SEMA6D: variants seen among roughly 807,000 people sequenced by gnomAD.
The protein encoded by SEMA6D is semaphorin-6D.
In SEMA6D, 35 loss-of-function variants were observed where a neutral mutation model predicts 106.6. That is an observed-to-expected ratio of 0.33 (90% CI 0.25 to 0.44). The LOEUF (loss-of-function observed/expected upper bound fraction) is 0.44. Ranked by LOEUF, SEMA6D falls within the 20% of genes least tolerant of loss-of-function variation. The probability of loss-of-function intolerance (pLI) is 1.00; values close to 1 mark genes in which losing one functional copy is unlikely to be tolerated. For missense variants in SEMA6D, 1,185 were observed against 1,345.9 expected (o/e 0.88, Z 1.87); for synonymous variants, 499 against 487.7 (o/e 1.02, Z -0.31).
intron 1 of SEMA6D, among the ~76,000 whole-genome samples, chr15:47,374,022 T>G (rs1160144581): frequency 6.6e-6 from 1 of 152,170 alleles, no homozygotes; most frequent in Non-Finnish European, 1.5e-5. Context: ...GATGTCCAGA[T>G]TAGCTGGCAG....
At chr15:47,666,549 G>C (rs933890545) in intron 4 of SEMA6D, among the ~76,000 whole-genome samples, 1 of 152,160 alleles carries the variant, frequency 6.6e-6, no homozygotes, top group Admixed American at 6.5e-5. Flanking sequence ...TCTGAAACCA[G>C]AGCTGTGTAG....
chr15:47,428,454 G>T (rs190492544), intron 2 of SEMA6D, among the ~76,000 whole-genome samples: 1 of 34,088 alleles, frequency 2.9e-5, no homozygotes, highest in Non-Finnish European at 6.9e-5. Context: ...GTATTTAGGC[G>T]CAGATCTACC....
chr15:47,365,955 AAAAG>A lies in SEMA6D; in HGVS notation c.-238-46422_-238-46419del, dbSNP rs1363325901. Among the ~76,000 whole-genome samples, 25 of 152,004 alleles carry A rather than the reference AAAAG, an allele frequency of 1.6e-4. 1 individual carries two copies. In the South Asian group the frequency reaches 1.7e-3, roughly 10 times the overall value. ...AAGAAAGAGAAAGAAAGAAAGATAGAAAAGAAAGAAAGAAAGAAACAGAACCTAC... is the reference window on the plus strand; with the variant it reads ...AAGAAAGAGAAAGAAAGAAAGATAGAAAAGAAAGAAAGAAACAGAACCTAC... On this transcript the variant is annotated intron_variant, in intron 1 of 19. Transcript: ENST00000558014.
intron 3 of SEMA6D, chr15:47,581,226 C>G: frequency 2.5e-6 from 1 of 394,008 alleles, no homozygotes; most frequent in Non-Finnish European, 4.9e-6. Context: ...TAACGTGTCC[C>G]TGATGAAGTT....
chr15:47,708,988 A>T (rs1369067734), intron 4 of SEMA6D, among the ~76,000 whole-genome samples: 1 of 152,112 alleles, frequency 6.6e-6, no homozygotes, highest in Non-Finnish European at 1.5e-5. Context: ...CACCAGATCT[A>T]CTCTTAATCC....
At chr15:47,663,289 A>G (rs1464065848) in intron 4 of SEMA6D, among the ~76,000 whole-genome samples, 1 of 152,192 alleles carries the variant, frequency 6.6e-6, no homozygotes. Flanking sequence ...AAGTGTGTTC[A>G]GTAATGGAAA....
chr15:47,721,973 A>G (rs1174196365), intron 1 of SEMA6D, among the ~76,000 whole-genome samples: 1 of 152,108 alleles, frequency 6.6e-6, no homozygotes, highest in Non-Finnish European at 1.5e-5. Context: ...AGCTGGCTAC[A>G]GCAATTTTTT....
intron 1 of SEMA6D, among the ~76,000 whole-genome samples, chr15:47,367,183 A>G (rs534472949): frequency 6.6e-6 from 1 of 152,314 alleles, no homozygotes; most frequent in African/African-American, 2.4e-5. Context: ...TAATTGCACA[A>G]TAACTGTTGG....
chr15:47,648,994 A>C (rs1456654668), intron 4 of SEMA6D, among the ~76,000 whole-genome samples: 1 of 152,234 alleles, frequency 6.6e-6, no homozygotes, highest in Non-Finnish European at 1.5e-5. Context: ...ATTTGTATTT[A>C]TATGTGAATA....
rs572195515 is a variant in SEMA6D, at chr15:47,690,109, G to A, written c.-54-69636G>A. Among the ~76,000 whole-genome samples, 10 of 152,254 alleles carry A rather than the reference G, an allele frequency of 6.6e-5. 1 individual carries two copies. The South Asian group carries it at 1.2e-3, about 19-fold the overall frequency. The stretch of plus-strand genomic sequence containing the variant: ...GGCTGCTCCAGCAATTACACCTTGC[G>A]CTGCCCATCTGCAGACATGGTGTTT... On this transcript the variant is annotated intron_variant, in intron 4 of 19. Transcript: ENST00000558014.
At chr15:47,421,113 A>G (rs997612468) in intron 2 of SEMA6D, among the ~76,000 whole-genome samples, 2 of 152,184 alleles carry the variant, frequency 1.3e-5, no homozygotes, top group Non-Finnish European at 2.9e-5. Flanking sequence ...TTTTCTTAAC[A>G]GTTAAAATTA....
At chr15:47,581,375 A>G (rs2076251937) in intron 3 of SEMA6D, 3 of 494,050 alleles carry the variant, frequency 6.1e-6, no homozygotes, top group East Asian at 6.9e-5. Flanking sequence ...AAACTGCCAA[A>G]TAAACAAGAT....
At position 47,770,916 on chromosome 15, in the gene SEMA6D, C is replaced by T. The variant is rs376932121; in HGVS notation, c.2353C>T (p.Leu785=). The change falls in exon 19 of 19, where the codon CTG becomes TTG. Residue 785 remains leucine (L), a synonymous_variant. Coordinates refer to ENST00000536845, the MANE Select transcript of SEMA6D (RefSeq NM_001358351.3). ...ESTPVLHQKT[L]QAMKSHSEKA... is the part of the protein sequence containing the mutation. ...TACACCCGTGCTTCACCAGAAGACC[C>T]TGCAGGCCATGAAGAGCCACTCAGA... 1.9e-5 allele frequency: 30 copies of T among 1,613,982 alleles called. No individual in the cohort carries two copies. The African/African-American group carries it at 3.6e-4, about 19-fold the overall frequency.
intron 1 of SEMA6D, among the ~76,000 whole-genome samples, chr15:47,741,057 T>A (rs2147029867): frequency 6.6e-6 from 1 of 152,336 alleles, no homozygotes; most frequent in Middle Eastern, 3.4e-3. Flanking sequence ...GCTTATGTCT[T>A]AAAATAACAA....
intron 1 of SEMA6D, among the ~76,000 whole-genome samples, chr15:47,202,282 C>T (rs1006371682): frequency 6.6e-6 from 1 of 151,968 alleles, no homozygotes; most frequent in Non-Finnish European, 1.5e-5. Flanking sequence ...AAGGCGGTCT[C>T]CCAATAAATA....
chr15:47,518,686 A>G (rs1596221090), intron 3 of SEMA6D, among the ~76,000 whole-genome samples: 1 of 152,340 alleles, frequency 6.6e-6, no homozygotes, highest in East Asian at 1.9e-4. Context: ...TTTACCATGA[A>G]TGAAGGTAGC....
At chr15:47,264,467 G>A (rs777242179) in intron 1 of SEMA6D, among the ~76,000 whole-genome samples, 10 of 151,956 alleles carry the variant, frequency 6.6e-5, no homozygotes, top group Non-Finnish European at 1.5e-4. Context: ...TTGCAGAAGT[G>A]ACAGAATAAT....
At chr15:47,680,436 G>T (rs2078329975) in intron 4 of SEMA6D, among the ~76,000 whole-genome samples, 1 of 152,100 alleles carries the variant, frequency 6.6e-6, no homozygotes. Context: ...CTTGATTAAT[G>T]AATTTATTAT....
chr15:47,286,288 C>T (rs1271911936), intron 1 of SEMA6D, among the ~76,000 whole-genome samples: 2 of 152,032 alleles, frequency 1.3e-5, no homozygotes, highest in Admixed American at 6.6e-5. Context: ...ATATGGCTGA[C>T]TTGAACTGGT....
Sources: gnomAD v4.1 joint callset for allele counts (sites outside exome capture counted in the v4.1 genomes callset) on GRCh38, gnomAD v4.1.1 for gene constraint, MANE v1.5 for transcripts, NCBI Gene and HGNC (gene_info 2026-07-23, HGNC 2026-07-21) for gene names.